The following COL5A1 variants were observed in gnomAD, a reference collection of about 807,000 sequenced individuals.
The protein encoded by COL5A1 is collagen type V alpha 1 chain.
Under a neutral mutation model 263.7 loss-of-function variants are expected in COL5A1, and 16 were observed. That is an observed-to-expected ratio of 0.06 (90% confidence interval 0.04 to 0.09). COL5A1 has a LOEUF of 0.09. Ranked by LOEUF, COL5A1 falls within the 10% of genes least tolerant of loss-of-function variation. The probability of loss-of-function intolerance (pLI) is 1.00; values close to 1 mark genes in which losing one functional copy is unlikely to be tolerated. For synonymous variants in COL5A1, 1,012 were observed against 1,004.5 expected (o/e 1.01, Z -0.14); for missense variants, 2,036 against 2,540.5 (o/e 0.80, Z 4.27).
chr9:134,723,213 TGCACCGCTGTCCTGAG>T (rs1212757840), intron 4 of COL5A1, among the ~76,000 whole-genome samples: 6 of 152,182 alleles, frequency 3.9e-5, no homozygotes, highest in Non-Finnish European at 8.8e-5. Flanking sequence ...AGCTGCTTCC[TGCACCGCTGTCCTGAG>T]GCACCACTGT....
In COL5A1 at chr9:134,671,291, A is replaced by G. The variant is rs1251437804; in HGVS notation, c.110-19621A>G. Among the ~76,000 whole-genome samples, 3 of 152,126 alleles carry G rather than the reference A, an allele frequency of 2.0e-5. No individual in the cohort carries two copies. In the East Asian group the frequency reaches 5.8e-4, roughly 29 times the overall value. ...ACTGGGTGTGCAGACTCACAGGGGA[A>G]CGTCAGCTCCAAGTCCTGCCCCCAG... On this transcript the variant is annotated intron_variant, in intron 1 of 65. Coordinates refer to ENST00000371817, the MANE Select transcript of COL5A1 (RefSeq NM_000093.5).
chr9:134,696,286 G>A lies in COL5A1; in HGVS notation c.278-3623G>A, dbSNP rs1833465414. 6.6e-6 allele frequency among the ~76,000 whole-genome samples: 1 copy of A among 152,042 alleles called. No individual in the cohort carries two copies. The highest frequency in any genetic ancestry group is 1.5e-5 in the Non-Finnish European group (1 of 68,018). On this transcript the variant is annotated intron_variant, in intron 2 of 65. Coordinates refer to ENST00000371817, the MANE Select transcript of COL5A1 (RefSeq NM_000093.5). This position sits in a 1 kb window ranked among gnomAD's most constrained non-coding sequence, Gnocchi z 4.3. ...CCTCCCAGGTTCAAGCGATTCTCCT[G>A]CCTCAGCCCCCCGAGTAGTTGGGAT...
chr9:134,820,554 C>T (rs561200986), intron 58 of COL5A1, among the ~76,000 whole-genome samples: 7 of 152,332 alleles, frequency 4.6e-5, no homozygotes, highest in Middle Eastern at 3.4e-3. Context: ...TGTCACCCAC[C>T]GCTTGCCCAG....
chr9:134,733,220 C>T (rs1379676196), intron 9 of COL5A1, among the ~76,000 whole-genome samples: 1 of 152,188 alleles, frequency 6.6e-6, no homozygotes, highest in Non-Finnish European at 1.5e-5. Flanking sequence ...GACCCGCCAC[C>T]CTACTGTAGA....
At chr9:134,825,301 C>T (rs935187930) in intron 62 of COL5A1, among the ~76,000 whole-genome samples, 2 of 152,184 alleles carry the variant, frequency 1.3e-5, no homozygotes, top group Non-Finnish European at 2.9e-5. Flanking sequence ...TCAAACTCCG[C>T]GATACTGTAA....
intron 9 of COL5A1, among the ~76,000 whole-genome samples, chr9:134,736,554 C>T (rs1835105125): frequency 6.6e-6 from 1 of 152,232 alleles, no homozygotes; most frequent in African/African-American, 2.4e-5. Flanking sequence ...CAGTTTCCAA[C>T]ACATGACTTT....
chr9:134,819,810 C>T (rs1227628610), intron 57 of COL5A1, among the ~76,000 whole-genome samples: 4 of 152,216 alleles, frequency 2.6e-5, no homozygotes, highest in Non-Finnish European at 1.5e-5. Context: ...AATTGGAGAG[C>T]GTATACGAAG....
Position 134,648,166 on chromosome 9 carries a change from C to T in COL5A1, c.109+5870C>T, listed in dbSNP as rs1046872878. Among the ~76,000 whole-genome samples, 6 of 152,028 alleles carry T rather than the reference C, an allele frequency of 3.9e-5. No homozygotes were observed. In the East Asian group the frequency reaches 9.7e-4, roughly 24 times the overall value. On this transcript the variant is annotated intron_variant, in intron 1 of 65. Coordinates refer to ENST00000371817, the MANE Select transcript of COL5A1 (RefSeq NM_000093.5). ...TCCTGTGCTGGACGCTTCCTGCCCT[C>T]GAACATCGGACTCCAAGTTCTTCAG...
chr9:134,685,486 G>A (rs28971903), intron 1 of COL5A1, among the ~76,000 whole-genome samples: 109 of 3,316 alleles, frequency 0.033, no homozygotes, highest in African/African-American at 0.047. Flanking sequence ...CCATCCATCC[G>A]TCCATCCATC....
At chr9:134,825,692 A>G (rs1839237176) in intron 62 of COL5A1, 100 bp from the exon 63 acceptor site, 1 of 774,454 alleles carries the variant, frequency 1.3e-6, no homozygotes, top group African/African-American at 1.7e-5. Flanking sequence ...TGGGGCGTGC[A>G]TTTTAACTGC....
intron 4 of COL5A1, among the ~76,000 whole-genome samples, chr9:134,702,205 C>T (rs765224112): frequency 1.6e-4 from 25 of 152,134 alleles, no homozygotes; most frequent in Non-Finnish European, 3.2e-4. Flanking sequence ...GCTTCCTTGT[C>T]GTTTATGTAA....
At chr9:134,812,107 T>A (rs1838545840) in intron 46 of COL5A1, among the ~76,000 whole-genome samples, 1 of 152,228 alleles carries the variant, frequency 6.6e-6, no homozygotes, top group Non-Finnish European at 1.5e-5. Context: ...TCTATTTATT[T>A]GGAAAACATG....
chr9:134,759,680 CCA>C (rs1249507912), intron 18 of COL5A1, among the ~76,000 whole-genome samples: 2 of 109,718 alleles, frequency 1.8e-5, no homozygotes, highest in Non-Finnish European at 3.5e-5. Context: ...CCCCACACCC[CCA>C]CACTCATACA....
At chr9:134,802,044 G>A in intron 38 of COL5A1, 37 bp downstream of exon 38, 13 of 1,601,652 alleles carry the variant, frequency 8.1e-6, no homozygotes, top group Non-Finnish European at 1.0e-5. Flanking sequence ...TGGGTCACTC[G>A]GTGTCACTTG....
chr9:134,791,097 C>G (rs558630478), intron 32 of COL5A1, among the ~76,000 whole-genome samples: 10 of 152,336 alleles, frequency 6.6e-5, no homozygotes, highest in Admixed American at 6.5e-4. Context: ...GGCATCAGCA[C>G]TGTGGGTCAC....
chr9:134,831,275 ATTG>A (rs1204270187), intron 64 of COL5A1, among the ~76,000 whole-genome samples: 1 of 151,932 alleles, frequency 6.6e-6, no homozygotes, highest in Admixed American at 6.5e-5. Context: ...TCGTGCCCTC[ATTG>A]TTGTTGGTTT....
At chr9:134,738,903 A>T in intron 11 of COL5A1, 95 bp downstream of exon 11, 2 of 1,021,916 alleles carry the variant, frequency 2.0e-6, no homozygotes, top group South Asian at 2.6e-5. Context: ...CTGCCTGTGG[A>T]GGTGACCCAG....
rs752240390 is a variant in COL5A1, at chr9:134,824,699, AACTACGTGG to A, written c.4805_4813del (p.Val1602_Tyr1604del). The A allele has an allele frequency of 4.3e-6, 7 of 1,614,188 alleles. No homozygotes were observed. Among genetic ancestry groups the A allele is most frequent in the African/African-American group, 1.3e-5 (1 of 75,050 alleles). The stretch of plus-strand genomic sequence containing the variant: ...GCTGCTGGACGACGGGAATGGCGAG[AACTACGTGG>A]ACTACGCGGACGGCATGGAAGAGAT... On this transcript the variant is annotated inframe_deletion, in exon 62 of 66. Coordinates refer to ENST00000371817, the MANE Select transcript of COL5A1 (RefSeq NM_000093.5).
chr9:134,747,961 G>GCACACATGCATTCATA (rs1554791440), intron 11 of COL5A1, among the ~76,000 whole-genome samples: 3,159 of 112,200 alleles, frequency 0.028, 125 homozygotes, highest in Non-Finnish European at 0.042. Context: ...GCAGACACAT[G>GCACACATGCATTCATA]CACACATGCA....
Sources: gnomAD v4.1 joint callset for allele counts (sites outside exome capture counted in the v4.1 genomes callset) on GRCh38, gnomAD v4.1.1 for gene constraint, Gnocchi (gnomAD v3.1) non-coding constraint, MANE v1.5 for transcripts, NCBI Gene and HGNC (gene_info 2026-07-23, HGNC 2026-07-21) for gene names.